Variants in RNLS observed in about 807,000 individuals in gnomAD.
RNLS encodes renalase.
In RNLS, 39 loss-of-function variants were observed where a neutral mutation model predicts 39.8. The ratio of observed to expected loss-of-function variants is 0.98; its 90% CI spans 0.76 to 1.28. The LOEUF is 1.28. Among genes scored for constraint, RNLS ranks in the 50% most tolerant of loss-of-function variants. The pLI is 0.00. For synonymous variants in RNLS, 147 were observed against 150.7 expected (o/e 0.98, Z 0.18); for missense variants, 410 against 413.3 (o/e 0.99, Z 0.07).
At chr10:88,202,223 G>T in the RNLS span, among the ~76,000 whole-genome samples, 10 of 145,162 alleles carry the variant, frequency 6.9e-5, no homozygotes, top group South Asian at 2.2e-4. Flanking sequence ...CCGCATGTTC[G>T]CACTCATAGG....
chr10:88,343,098 A>C (rs1157575907), intron 5 of RNLS, among the ~76,000 whole-genome samples: 1 of 152,104 alleles, frequency 6.6e-6, no homozygotes, highest in Non-Finnish European at 1.5e-5. Flanking sequence ...TGTGAGATTT[A>C]ATCTCATGTG....
chr10:88,452,523 A>T lies in RNLS; in HGVS notation c.527-89798T>A, dbSNP rs117780230. On this transcript the variant is annotated intron_variant, in intron 4 of 6. Coordinates refer to ENST00000331772, the MANE Select transcript of RNLS (RefSeq NM_001031709.3). ...AGACTTTATGTATGTCCCCAGTAGG[A>T]ATAAAACATGGGAAGGTGTAAAAGT... is the stretch of plus-strand genomic sequence containing the variant. 8.5e-3 allele frequency among the ~76,000 whole-genome samples: 1,293 copies of T among 152,272 alleles called. 22 individuals are homozygous for T. Among genetic ancestry groups the T allele is most frequent in the East Asian group, 0.033 (169 of 5,182 alleles).
intron 4 of RNLS, among the ~76,000 whole-genome samples, chr10:88,426,927 G>A (rs559553869): frequency 1.3e-5 from 2 of 152,128 alleles, no homozygotes; most frequent in East Asian, 3.9e-4. Flanking sequence ...GGAGTAAATT[G>A]ATGGGAAGAG....
chr10:88,422,351 G>A (rs538386605), intron 4 of RNLS, among the ~76,000 whole-genome samples: 2 of 152,222 alleles, frequency 1.3e-5, no homozygotes, highest in Admixed American at 6.5e-5. Flanking sequence ...AGCTTCCCAA[G>A]TTATATATAA....
chr10:88,255,301 C>G, the RNLS span, among the ~76,000 whole-genome samples: 1 of 151,854 alleles, frequency 6.6e-6, no homozygotes, highest in Non-Finnish European at 1.5e-5. Context: ...TGCATTTATT[C>G]ACTATCTTTA....
At chr10:88,224,749 C>T in the RNLS span, among the ~76,000 whole-genome samples, 120 of 152,290 alleles carry the variant, frequency 7.9e-4, no homozygotes, top group South Asian at 6.8e-3. Context: ...CCTCAGGTTA[C>T]GTGCAATCTT....
At chr10:88,569,397 T>A (rs977747396) in intron 4 of RNLS, among the ~76,000 whole-genome samples, 2 of 152,014 alleles carry the variant, frequency 1.3e-5, no homozygotes, top group Non-Finnish European at 2.9e-5. Flanking sequence ...TTCTAGGGCA[T>A]ATAGATATTA....
chr10:88,364,017 G>C lies in RNLS; in HGVS notation c.527-1292C>G, dbSNP rs1048590533. Among the ~76,000 whole-genome samples the C allele has an allele frequency of 3.3e-5, 5 of 152,112 alleles. No homozygotes were observed. The East Asian group carries it at 9.6e-4, about 29-fold the overall frequency. ...AAAAAATACTTAGGAAAATGGGACA[G>C]TGTTCCATCTTGAGGTGGGGAAAGA... On this transcript the variant is annotated intron_variant, in intron 4 of 6. Coordinates refer to ENST00000331772, the MANE Select transcript of RNLS (RefSeq NM_001031709.3).
chr10:88,238,354 C>T, the RNLS span, among the ~76,000 whole-genome samples: 1 of 152,126 alleles, frequency 6.6e-6, no homozygotes, highest in Admixed American at 6.5e-5. Flanking sequence ...TTTGGCATTC[C>T]CCATAGCATA....
intron 4 of RNLS, among the ~76,000 whole-genome samples, chr10:88,505,849 A>G (rs1015236708): frequency 4.6e-5 from 7 of 152,154 alleles, no homozygotes; most frequent in African/African-American, 1.7e-4. Flanking sequence ...ATGTAATGCA[A>G]TAAGGAATGC....
chr10:88,266,772 TAAAAA>T, the RNLS span, among the ~76,000 whole-genome samples: 1 of 143,026 alleles, frequency 7.0e-6, no homozygotes, highest in Non-Finnish European at 1.5e-5. Flanking sequence ...AACTTCTACT[TAAAAA>T]AAAAAGTCAT....
chr10:88,226,425 G>T, the RNLS span, among the ~76,000 whole-genome samples: 1 of 152,136 alleles, frequency 6.6e-6, no homozygotes, highest in African/African-American at 2.4e-5. Flanking sequence ...CTCCAGCTGG[G>T]ACTCAAAATC....
intron 4 of RNLS, among the ~76,000 whole-genome samples, chr10:88,505,908 A>T (rs1189437335): frequency 2.0e-5 from 3 of 152,154 alleles, no homozygotes; most frequent in Non-Finnish European, 4.4e-5. Flanking sequence ...CTCAAAGTGT[A>T]GTCCTGAGAC....
intron 4 of RNLS, among the ~76,000 whole-genome samples, chr10:88,568,468 A>C (rs1203662426): frequency 6.6e-6 from 1 of 152,054 alleles, no homozygotes; most frequent in African/African-American, 2.4e-5. Flanking sequence ...AGATAGGTGA[A>C]TTGTATGGTA....
At chr10:88,535,208 T>C (rs1483574131) in intron 4 of RNLS, among the ~76,000 whole-genome samples, 1 of 152,100 alleles carries the variant, frequency 6.6e-6, no homozygotes, top group Non-Finnish European at 1.5e-5. Context: ...AGTATTGTTA[T>C]TTTCCCATTC....
chr10:88,555,800 A>T (rs897122845), intron 4 of RNLS, among the ~76,000 whole-genome samples: 3 of 151,886 alleles, frequency 2.0e-5, no homozygotes, highest in African/African-American at 7.3e-5. Context: ...GACAACATAC[A>T]TGTTTGGTTT....
At chr10:88,228,377 T>C in the RNLS span, among the ~76,000 whole-genome samples, 1 of 152,188 alleles carries the variant, frequency 6.6e-6, no homozygotes, top group Non-Finnish European at 1.5e-5. Context: ...GCCTCCCCCA[T>C]GACCACTGCA....
intron 4 of RNLS, among the ~76,000 whole-genome samples, chr10:88,510,753 A>G (rs1254878653): frequency 6.6e-6 from 1 of 151,862 alleles, no homozygotes; most frequent in East Asian, 1.9e-4. Flanking sequence ...AGGCTGAAGC[A>G]GGAGAATCGC....
At chr10:88,534,717 T>C (rs1337251316) in intron 4 of RNLS, among the ~76,000 whole-genome samples, 1 of 152,142 alleles carries the variant, frequency 6.6e-6, no homozygotes, top group Non-Finnish European at 1.5e-5. Context: ...GTTGGCTAAA[T>C]GAATAAATCT....
Sources: gnomAD v4.1 joint callset for allele counts (sites outside exome capture counted in the v4.1 genomes callset) on GRCh38, gnomAD v4.1.1 for gene constraint, MANE v1.5 for transcripts, NCBI Gene and HGNC (gene_info 2026-07-23, HGNC 2026-07-21) for gene names.